BMS1: variants seen among roughly 807,000 people sequenced by gnomAD.
BMS1 encodes ribosome biogenesis protein BMS1 homolog.
BMS1 carries 53 observed loss-of-function variants against 138.7 expected under a neutral mutation model. The ratio of observed to expected loss-of-function variants is 0.38; its 90% confidence interval spans 0.31 to 0.48. The LOEUF is 0.48. Among genes scored for constraint, BMS1 ranks in the 20% least tolerant of loss-of-function variants. BMS1 has a pLI of 0.97. For missense variants in BMS1, 1,360 were observed against 1,565.5 expected (o/e 0.87, Z 2.22); for synonymous variants, 504 against 539.9 (o/e 0.93, Z 0.92).
intron 18 of BMS1, among the ~76,000 whole-genome samples, chr10:42,821,260 A>G (rs1486685459): frequency 6.6e-6 from 1 of 152,092 alleles, no homozygotes; most frequent in Non-Finnish European, 1.5e-5. Flanking sequence ...AGTGCTCACC[A>G]TGTGCTAAGC....
intron 12 of BMS1, among the ~76,000 whole-genome samples, chr10:42,799,043 TCA>T (rs757521373): frequency 6.6e-6 from 1 of 152,234 alleles, no homozygotes; most frequent in Non-Finnish European, 1.5e-5. Flanking sequence ...CATTTTGTAG[TCA>T]CACTGGAATT....
chr10:42,813,813 C>T (rs1220910128), intron 13 of BMS1, among the ~76,000 whole-genome samples: 2 of 152,182 alleles, frequency 1.3e-5, no homozygotes, highest in Admixed American at 6.5e-5. Flanking sequence ...TTACCAGAGA[C>T]AAATTCCTAT....
rs146126945 is a variant in BMS1 at position 42,829,407 on chromosome 10, G to A, written c.3457-854G>A. 3.3e-4 allele frequency among the ~76,000 whole-genome samples: 51 copies of A among 152,270 alleles called. No homozygotes were observed. In the East Asian group the frequency reaches 7.1e-3, roughly 21 times the overall value. ...TATTTTGCCTTCATCTGTTGTTTGAGTCTCCCTTCTTTTAGCCATCCTTCC... is the reference window on the plus strand; with the variant it reads ...TATTTTGCCTTCATCTGTTGTTTGAATCTCCCTTCTTTTAGCCATCCTTCC... On this transcript the variant is annotated intron_variant, in intron 21 of 22. Coordinates refer to ENST00000374518, the MANE Select transcript of BMS1 (RefSeq NM_014753.4).
chr10:42,814,473 G>A lies in BMS1; in HGVS notation c.2330-2126G>A, dbSNP rs959179665. On this transcript the variant is annotated intron_variant, in intron 13 of 22. Transcript: ENST00000374518. ...ATTCTTCTTCAGTTTCTTTGCTGAC[G>A]TTTTCAGTTCTTTGTTTGTTGCCAT... Among the ~76,000 whole-genome samples, 9 of 151,966 alleles carry A rather than the reference G, an allele frequency of 5.9e-5. No homozygotes were observed. The South Asian group carries it at 8.3e-4, about 14-fold the overall frequency.
rs374900295 is a variant in BMS1, at chr10:42,798,528, G to T, written c.2150G>T (p.Arg717Leu). Residue 717 changes from arginine (R) to leucine (L), a missense_variant, in exon 12 of 23, where the codon CGT becomes CTT. Arg to Leu is a moderately radical substitution (Grantham distance 102). Transcript: ENST00000374518. ...DTLEELGGLFRVNQPDRECKH... is the reference protein window; with the variant it reads ...DTLEELGGLFLVNQPDRECKH... ...CTAGAAGAGCTTGGAGGGTTGTTTC[G>T]TGTCAACCAGCCTGACAGAGAGTGT... 8 of 1,614,114 alleles carry T rather than the reference G, an allele frequency of 5.0e-6. No homozygotes were observed. The Admixed American group carries it at 8.3e-5, about 17-fold the overall frequency.
intron 21 of BMS1, among the ~76,000 whole-genome samples, chr10:42,828,930 A>G (rs749890446): frequency 6.6e-5 from 10 of 152,180 alleles, no homozygotes; most frequent in Non-Finnish European, 1.3e-4. Context: ...CTCTTTTGTA[A>G]CAAGTAGATT....
At chr10:42,827,261 C>G (rs1842674104) in intron 21 of BMS1, among the ~76,000 whole-genome samples, 1 of 152,160 alleles carries the variant, frequency 6.6e-6, no homozygotes, top group Non-Finnish European at 1.5e-5. Context: ...TGCCTGATCT[C>G]AGACTTTTCA....
intron 9 of BMS1, among the ~76,000 whole-genome samples, chr10:42,795,061 A>G (rs934298690): frequency 3.5e-5 from 5 of 142,730 alleles, no homozygotes; most frequent in South Asian, 2.1e-4. Context: ...ATGATTTCCA[A>G]TTTCATCCAT....
chr10:42,809,451 G>A (rs907000878), intron 13 of BMS1, among the ~76,000 whole-genome samples: 5 of 151,776 alleles, frequency 3.3e-5, no homozygotes, highest in African/African-American at 4.8e-5. Flanking sequence ...GGTAGTGATG[G>A]GGTCTCACTA....
chr10:42,822,959 TAG>T (rs1377121373), intron 19 of BMS1, among the ~76,000 whole-genome samples, 157 bp from the exon 20 acceptor site: 3 of 152,214 alleles, frequency 2.0e-5, no homozygotes, highest in Admixed American at 1.3e-4. Context: ...CTTTTTGAGA[TAG>T]TAATTCCACT....
chr10:42,786,118 A>G (rs572162902), intron 3 of BMS1, among the ~76,000 whole-genome samples: 3 of 152,340 alleles, frequency 2.0e-5, no homozygotes, highest in South Asian at 4.1e-4. Flanking sequence ...GGCTTTGCCA[A>G]ACATGTTCCT....
At chr10:42,814,739 A>T (rs1441213880) in intron 13 of BMS1, among the ~76,000 whole-genome samples, 1 of 152,150 alleles carries the variant, frequency 6.6e-6, no homozygotes, top group African/African-American at 2.4e-5. Flanking sequence ...TTCTCCCACC[A>T]GTCCCTGCTG....
chr10:42,809,912 C>T (rs1392912546), intron 13 of BMS1, among the ~76,000 whole-genome samples: 3 of 151,828 alleles, frequency 2.0e-5, no homozygotes, highest in Non-Finnish European at 2.9e-5. Context: ...CCACCTCCCA[C>T]GTAGCTGGGA....
intron 21 of BMS1, among the ~76,000 whole-genome samples, chr10:42,826,712 C>T (rs570155676): frequency 6.6e-6 from 1 of 152,330 alleles, no homozygotes; most frequent in South Asian, 2.1e-4. Context: ...GTGGGGGTGC[C>T]ATGTTGGCTC....
chr10:42,786,122 T>C (rs961014696), intron 3 of BMS1, among the ~76,000 whole-genome samples: 1 of 152,256 alleles, frequency 6.6e-6, no homozygotes, highest in Non-Finnish European at 1.5e-5. Context: ...TTGCCAAACA[T>C]GTTCCTTGGA....
At chr10:42,809,952 A>ATTT (rs34656411) in intron 13 of BMS1, among the ~76,000 whole-genome samples, 24 of 113,974 alleles carry the variant, frequency 2.1e-4, no homozygotes, top group Non-Finnish European at 2.8e-4. Flanking sequence ...TGTCTGGCTA[A>ATTT]TTTTTTTTTT....
chr10:42,830,473 ACT>A (rs1163844264), intron 22 of BMS1, 51 bp downstream of exon 22: 3 of 1,557,626 alleles, frequency 1.9e-6, no homozygotes, highest in African/African-American at 1.4e-5. Context: ...GGAAAAGAAC[ACT>A]CTCAATAGCA....
At chr10:42,814,585 T>G (rs2132361300) in intron 13 of BMS1, among the ~76,000 whole-genome samples, 1 of 152,340 alleles carries the variant, frequency 6.6e-6, no homozygotes, top group East Asian at 1.9e-4. Context: ...CTATGTAATT[T>G]TTTTATTTTT....
intron 21 of BMS1, among the ~76,000 whole-genome samples, chr10:42,825,978 G>T (rs1238458242): frequency 1.3e-5 from 2 of 152,182 alleles, no homozygotes; most frequent in African/African-American, 4.8e-5. Context: ...TATCAAGAAA[G>T]GTTGCTAAAC....
Sources: gnomAD v4.1 joint callset for allele counts (sites outside exome capture counted in the v4.1 genomes callset) on GRCh38, gnomAD v4.1.1 for gene constraint, MANE v1.5 for transcripts, NCBI Gene and HGNC (gene_info 2026-07-23, HGNC 2026-07-21) for gene names.